Variants in CCDC14 observed in about 807,000 individuals in gnomAD.
CCDC14 encodes coiled-coil domain-containing protein 14.
CCDC14 carries 71 observed loss-of-function variants against 81.4 expected under a neutral mutation model. The ratio of observed to expected loss-of-function variants is 0.87; its 90% CI spans 0.72 to 1.06. CCDC14 has a LOEUF of 1.06. CCDC14 is among the 50% of genes least tolerant of loss of function. CCDC14 has a pLI of 0.00. For missense variants in CCDC14, 1,046 were observed against 1,047.3 expected, an observed-to-expected ratio of 1.00 and a Z score of 0.02; for synonymous variants, 332 against 364.8, an observed-to-expected ratio of 0.91 and a Z score of 1.03.
At chr3:123,918,276 T>A (rs1173383600) in intron 12 of CCDC14, among the ~76,000 whole-genome samples, 1 of 152,240 alleles carries the variant, frequency 6.6e-6, no homozygotes, top group Non-Finnish European at 1.5e-5. Flanking sequence ...GTATTTTGAC[T>A]TCTAATTGTT....
chr3:123,918,529 G>C (rs1413424509), intron 12 of CCDC14, among the ~76,000 whole-genome samples: 1 of 152,098 alleles, frequency 6.6e-6, no homozygotes, highest in Non-Finnish European at 1.5e-5. Flanking sequence ...CACTCTCTTG[G>C]ATCACAGAAC....
rs1329331586 is a variant in CCDC14, at chr3:123,931,383, T to C, written c.1570A>G (p.Ile524Val). The C allele has an allele frequency of 2.6e-6, 4 of 1,523,066 alleles. No individual in the cohort carries two copies. In the South Asian group the frequency reaches 3.6e-5, roughly 14 times the overall value. 94.3% of individuals were successfully genotyped at this position (1,523,066 alleles called of 1,614,324 possible). A position where few individuals can be genotyped will look rare whatever the true frequency, so the allele number is the denominator to read the frequency against. ...ATAGTTTGATCTTTGTCTTTAAATATACTACTAAATTTTTTGTTTTCATCT... is the reference window on the plus strand; with the variant it reads ...ATAGTTTGATCTTTGTCTTTAAATACACTACTAAATTTTTTGTTTTCATCT... ...QKDENKKFSS[I>V]FKDKDQTILE... The change falls in exon 11 of 13, where the codon ATA (isoleucine) becomes GTA (valine). Residue 524 changes from isoleucine to valine, a missense_variant. Transcript: ENST00000409697.
rs2034546235 is a variant in CCDC14 at position 123,914,475 on chromosome 3, A to G, written c.*304T>C. ...CAGCCACAGAACTATTTCAACCTGT[A>G]CCCTTAATCCAGCAGATACATCTTA... On this transcript the variant is annotated 3_prime_UTR_variant, in exon 13 of 13. Coordinates refer to ENST00000409697, the MANE Select transcript of CCDC14 (RefSeq NM_001366335.1). The G allele has an allele frequency of 3.4e-5, 34 of 1,014,862 alleles. No homozygotes were observed. In the South Asian group the frequency reaches 1.3e-3, roughly 39 times the overall value. The allele number at this position is 1,014,862 out of a possible 1,614,324, so 62.9% of individuals were successfully genotyped here.
At chr3:123,942,558 C>A (rs2141605) in intron 9 of CCDC14, among the ~76,000 whole-genome samples, 1 of 151,892 alleles carries the variant, frequency 6.6e-6, no homozygotes, top group Admixed American at 6.6e-5. Flanking sequence ...GCTCCAGATA[C>A]GTATATTTTA....
chr3:123,937,053 C>T (rs995388804), intron 9 of CCDC14, among the ~76,000 whole-genome samples: 1 of 152,006 alleles, frequency 6.6e-6, no homozygotes, highest in Admixed American at 6.6e-5. Flanking sequence ...ATAGTTCTTA[C>T]CCTTTTATTG....
chr3:123,934,164 T>A (rs1414563525), intron 9 of CCDC14, among the ~76,000 whole-genome samples: 2 of 147,062 alleles, frequency 1.4e-5, no homozygotes, highest in Non-Finnish European at 3.0e-5. Context: ...TCCCAGCTAC[T>A]TGGGAGGCTG....
At chr3:123,919,589 C>T (rs139127637) in intron 12 of CCDC14, among the ~76,000 whole-genome samples, 143 of 152,342 alleles carry the variant, frequency 9.4e-4, no homozygotes, top group African/African-American at 3.2e-3. Flanking sequence ...CACTGGTTGA[C>T]GGAGCACAGC....
chr3:123,916,891 G>A (rs1163800109), intron 12 of CCDC14, among the ~76,000 whole-genome samples: 1 of 151,886 alleles, frequency 6.6e-6, no homozygotes, highest in African/African-American at 2.4e-5. Flanking sequence ...CCAGGCTGGA[G>A]TGCAGTGGGG....
chr3:123,960,901 G>C (rs1456285303), intron 1 of CCDC14, among the ~76,000 whole-genome samples: 1 of 152,138 alleles, frequency 6.6e-6, no homozygotes, highest in East Asian at 1.9e-4. Flanking sequence ...ACTCGAACCC[G>C]GGCCTGACCC....
chr3:123,933,924 T>C (rs2035896799), intron 9 of CCDC14, among the ~76,000 whole-genome samples, 169 bp from the exon 10 acceptor site: 2 of 152,032 alleles, frequency 1.3e-5, no homozygotes, highest in Admixed American at 6.5e-5. Context: ...AAAACCATAC[T>C]ACTATTATTA....
intron 9 of CCDC14, among the ~76,000 whole-genome samples, chr3:123,943,948 G>A (rs1192892703): frequency 6.6e-6 from 1 of 152,130 alleles, no homozygotes; most frequent in Non-Finnish European, 1.5e-5. Flanking sequence ...CAAATTAACT[G>A]AGCCCAAAGA....
intron 1 of CCDC14, among the ~76,000 whole-genome samples, chr3:123,959,335 TTAGG>T (rs1280643105): frequency 6.6e-6 from 1 of 152,164 alleles, no homozygotes; most frequent in African/African-American, 2.4e-5. Flanking sequence ...CTAACAGGGG[TTAGG>T]TGATAGCTCA....
At chr3:123,955,626 C>G (rs963763082) in intron 5 of CCDC14, 9 of 365,752 alleles carry the variant, frequency 2.5e-5, no homozygotes, top group Non-Finnish European at 4.3e-5. Flanking sequence ...CCTACAAAAC[C>G]CTGACAGTCT....
chr3:123,943,165 T>C (rs1325823597), intron 9 of CCDC14, among the ~76,000 whole-genome samples: 1 of 151,950 alleles, frequency 6.6e-6, no homozygotes, highest in African/African-American at 2.4e-5. Flanking sequence ...TATATATATG[T>C]TTTCATTCAC....
At chr3:123,906,373 A>T (rs911238452) in intron 5 of CCDC14, among the ~76,000 whole-genome samples, 3 of 150,852 alleles carry the variant, frequency 2.0e-5, no homozygotes, top group Admixed American at 1.3e-4. Context: ...AATAAATAAA[A>T]AAGAAAGATC....
intron 12 of CCDC14, among the ~76,000 whole-genome samples, chr3:123,925,578 G>A (rs1409165104): frequency 2.0e-5 from 3 of 152,098 alleles, no homozygotes; most frequent in African/African-American, 4.8e-5. Context: ...TGGGATTACA[G>A]GCACCTGCTA....
chr3:123,922,785 G>C (rs78373287), intron 12 of CCDC14, among the ~76,000 whole-genome samples: 2,958 of 152,148 alleles, frequency 0.019, 85 homozygotes, highest in African/African-American at 0.067. Context: ...AACACTTAAA[G>C]AACATTTAAA....
At chr3:123,888,690 AAGAG>A in the CCDC14 span, among the ~76,000 whole-genome samples, 1 of 152,210 alleles carries the variant, frequency 6.6e-6, no homozygotes, top group East Asian at 1.9e-4. Context: ...TGGCAGGAGA[AAGAG>A]AGAATGCAGG....
chr3:123,919,232 T>C (rs959447323), intron 12 of CCDC14, among the ~76,000 whole-genome samples: 1 of 152,214 alleles, frequency 6.6e-6, no homozygotes, highest in East Asian at 1.9e-4. Flanking sequence ...GAGGCAAAAC[T>C]GCATCCTTAC....
Sources: gnomAD v4.1 joint callset for allele counts (sites outside exome capture counted in the v4.1 genomes callset) on GRCh38, gnomAD v4.1.1 for gene constraint, MANE v1.5 for transcripts, NCBI Gene and HGNC (gene_info 2026-07-23, HGNC 2026-07-21) for gene names.